The following HDGF variants were observed in gnomAD, a reference collection of about 807,000 sequenced individuals.
HDGF encodes heparin binding growth factor.
In HDGF, 5 loss-of-function variants were observed where a neutral mutation model predicts 30.0. That is an observed-to-expected ratio of 0.17 (90% CI 0.09 to 0.35). The LOEUF is 0.35. Ranked by LOEUF, HDGF falls within the 10% of genes least tolerant of loss-of-function variation. The probability of loss-of-function intolerance (pLI) is 1.00; values close to 1 mark genes in which losing one functional copy is unlikely to be tolerated. For synonymous variants in HDGF, 133 were observed against 112.7 expected (o/e 1.18, Z -1.14); for missense variants, 214 against 302.8 (o/e 0.71, Z 2.18).
rs1460947792 is a variant in HDGF at position 156,751,590 on chromosome 1, C to T, written c.-161G>A. On this transcript the variant is annotated 5_prime_UTR_variant, in exon 1 of 6. Coordinates refer to ENST00000357325, the MANE Select transcript of HDGF (RefSeq NM_004494.3). The surrounding 1 kb of genome is among the most constrained non-coding windows in gnomAD (Gnocchi z 4.7). The stretch of plus-strand genomic sequence containing the variant: ...CTCCGGCGCGGCCACGGCGTCTCCG[C>T]CCGCGCGCCGCACGGACGGGGCGGG... 1 of 984,314 alleles carries T rather than the reference C, an allele frequency of 1.0e-6. No individual in the cohort carries two copies. The highest frequency in any genetic ancestry group is 1.2e-6 in the Non-Finnish European group (1 of 830,186). The allele number at this position is 984,314 out of a possible 1,614,324, so 61.0% of individuals were successfully genotyped here.
chr1:156,749,661 C>T (rs1650832299), intron 1 of HDGF, among the ~76,000 whole-genome samples: 1 of 152,218 alleles, frequency 6.6e-6, no homozygotes, highest in African/African-American at 2.4e-5. Flanking sequence ...CTAGGGACTG[C>T]CCTTACTCCA....
chr1:156,764,939 T>G (rs1474947348), intron 1 of HDGF, among the ~76,000 whole-genome samples: 1 of 151,694 alleles, frequency 6.6e-6, no homozygotes, highest in Non-Finnish European at 1.5e-5. Flanking sequence ...GTCCCTGTCC[T>G]TTAGGGGCTT....
At chr1:156,757,025 T>C (rs1651165019), upstream of HDGF, among the ~76,000 whole-genome samples, 1 of 151,910 alleles carries the variant, frequency 6.6e-6, no homozygotes. Flanking sequence ...ACTCCTGACC[T>C]CAGGTGATCC....
Position 156,743,859 on chromosome 1 carries a change from T to C in HDGF, c.509A>G (p.Lys170Arg), listed in dbSNP as rs372280917. Reference protein sequence around the residue: ...DLLEDSPKRPKEAENPEGEEK... With the variant: ...DLLEDSPKRPREAENPEGEEK... ...CTCTCCTTCAGGGTTTTCTGCCTCC[T>C]TGGGACGTTTAGGAGAGTCCTAGGC... is the stretch of plus-strand genomic sequence containing the variant. The change falls in exon 5 of 6, where the codon AAG (lysine) becomes AGG (arginine). Residue 170 changes from lysine to arginine, a missense_variant. Lys to Arg is a conservative substitution (Grantham distance 26). Around this residue, in one of 2 missense-constraint regions of HDGF, gnomAD observed 176 missense variants for 211.7 expected, o/e 0.83. Transcript: ENST00000357325. 1.1e-4 allele frequency: 182 copies of C among 1,613,672 alleles called. No homozygotes were observed. Among genetic ancestry groups the C allele is most frequent in the Non-Finnish European group, 1.5e-4 (173 of 1,179,714 alleles).
intron 1 of HDGF, among the ~76,000 whole-genome samples, chr1:156,765,689 G>C (rs1210703745): frequency 6.6e-6 from 1 of 151,512 alleles, no homozygotes; most frequent in Non-Finnish European, 1.5e-5. Context: ...TGGCCAGGCT[G>C]GTCTCAAACT....
chr1:156,764,759 A>G (rs902600096), intron 1 of HDGF, among the ~76,000 whole-genome samples: 2 of 151,322 alleles, frequency 1.3e-5, no homozygotes, highest in African/African-American at 4.8e-5. Context: ...GGCGGTGCAC[A>G]CCTGTAATCC....
chr1:156,754,663 G>T (rs912073342), upstream of HDGF, among the ~76,000 whole-genome samples: 1 of 150,704 alleles, frequency 6.6e-6, no homozygotes, highest in African/African-American at 2.4e-5. Context: ...TAGATTCTAG[G>T]CCGGGCATGG....
At chr1:156,757,730 T>C (rs780310161) in intron 2 of HDGF, among the ~76,000 whole-genome samples, 41 of 150,872 alleles carry the variant, frequency 2.7e-4, no homozygotes, top group Non-Finnish European at 5.2e-4. Flanking sequence ...GAGGCAGAGG[T>C]TGCAACGAGC....
At chr1:156,752,157 G>A, upstream of HDGF, 1 of 1,551,614 alleles carries the variant, frequency 6.4e-7, no homozygotes, top group Middle Eastern at 1.7e-4. Context: ...CGTGCTAGGC[G>A]CCGAGGGCGA....
intron 1 of HDGF, among the ~76,000 whole-genome samples, chr1:156,762,479 A>T (rs1274053912): frequency 6.6e-6 from 1 of 152,142 alleles, no homozygotes; most frequent in Non-Finnish European, 1.5e-5. Context: ...GTCTCTCCTC[A>T]ATATCTAACC....
chr1:156,752,809 A>G (rs1326440095), upstream of HDGF, among the ~76,000 whole-genome samples: 2 of 152,204 alleles, frequency 1.3e-5, no homozygotes, highest in Non-Finnish European at 2.9e-5. Flanking sequence ...GTTACGGCAT[A>G]TACACGTCCT....
At position 156,746,382 on chromosome 1, in the gene HDGF, TGA is replaced by T. The variant is rs1571545949; in HGVS notation, c.88-1011_88-1010del. ...AGCTGCTCTGGCTGAAGTGGAGGGG[TGA>T]GGTCAAAGGGCTGCCTATCCAACGC... On this transcript the variant is annotated intron_variant, in intron 1 of 5. Coordinates refer to ENST00000357325, the MANE Select transcript of HDGF (RefSeq NM_004494.3). Among the ~76,000 whole-genome samples, 6 of 151,996 alleles carry T rather than the reference TGA, an allele frequency of 3.9e-5. No individual in the cohort carries two copies. The East Asian group carries it at 1.2e-3, about 29-fold the overall frequency.
upstream of HDGF, among the ~76,000 whole-genome samples, chr1:156,753,653 C>T (rs187311981): frequency 1.3e-5 from 2 of 152,052 alleles, no homozygotes; most frequent in South Asian, 2.1e-4. Flanking sequence ...CGGGTTCAAG[C>T]GATTCTCCTG....
intron 3 of HDGF, 122 bp from the exon 4 acceptor site, chr1:156,744,470 T>C (rs770634549): frequency 3.4e-6 from 5 of 1,450,450 alleles, no homozygotes; most frequent in Non-Finnish European, 4.7e-6. Context: ...CCCACCCAGG[T>C]GCCCAGTCTC....
intron 1 of HDGF, among the ~76,000 whole-genome samples, chr1:156,749,911 A>C (rs1177644137): frequency 6.6e-6 from 1 of 152,222 alleles, no homozygotes; most frequent in African/African-American, 2.4e-5. Context: ...CATCTGGGCC[A>C]AGAAGCCAGC....
intron 1 of HDGF, among the ~76,000 whole-genome samples, chr1:156,759,793 T>C (rs1182671566): frequency 6.6e-6 from 1 of 152,214 alleles, no homozygotes; most frequent in Non-Finnish European, 1.5e-5. Context: ...CCATTCATTT[T>C]AATGGTAATA....
rs916622866 is a variant in HDGF, at chr1:156,742,294, C to T, written c.*1155G>A. Reference sequence around the variant, plus strand: ...AGAGGGTGGGAGAGGGCACTTATTTCTCTCTGTCCTCTCAGTGGGTTACAA... The same window carrying T: ...AGAGGGTGGGAGAGGGCACTTATTTTTCTCTGTCCTCTCAGTGGGTTACAA... On this transcript the variant is annotated 3_prime_UTR_variant, in exon 6 of 6. Coordinates refer to ENST00000357325, the MANE Select transcript of HDGF (RefSeq NM_004494.3). The T allele has an allele frequency of 2.0e-5, 3 of 152,584 alleles. No individual in the cohort carries two copies. The highest frequency in any genetic ancestry group is 7.2e-5 in the African/African-American group (3 of 41,384). 9.5% of individuals were successfully genotyped at this position (152,584 alleles called of 1,614,324 possible).
upstream of HDGF, among the ~76,000 whole-genome samples, chr1:156,753,124 C>G (rs1408619175): frequency 6.6e-6 from 1 of 152,190 alleles, no homozygotes; most frequent in African/African-American, 2.4e-5. Flanking sequence ...TGCAGTTGTT[C>G]CCAGAGTCCT....
chr1:156,756,793 C>CTTTTT (rs558782106), upstream of HDGF, among the ~76,000 whole-genome samples: 3 of 122,444 alleles, frequency 2.5e-5, no homozygotes, highest in Non-Finnish European at 3.4e-5. Flanking sequence ...AAAAGGTGGT[C>CTTTTT]TTTTTTTTTT....
Sources: allele counts gnomAD v4.1 joint callset (sites outside exome capture counted in the v4.1 genomes callset), GRCh38; gene constraint gnomAD v4.1.1; regional missense constraint gnomAD v4.1.1; non-coding constraint Gnocchi (gnomAD v3.1); transcripts MANE v1.5; gene names NCBI Gene and HGNC (gene_info 2026-07-23, HGNC 2026-07-21).